Variants in RASA2 observed in about 807,000 individuals in gnomAD.
RASA2 encodes ras GTPase-activating protein 2.
RASA2 carries 155 observed loss-of-function variants against 118.2 expected under a neutral mutation model. That is an observed-to-expected ratio of 1.31 (90% CI 1.15 to 1.50). The LOEUF (loss-of-function observed/expected upper bound fraction) is 1.50. Among genes scored for constraint, RASA2 ranks in the 40% most tolerant of loss-of-function variants. The probability of loss-of-function intolerance (pLI) is 0.00; values close to 1 mark genes in which losing one functional copy is unlikely to be tolerated. For synonymous variants in RASA2, 353 were observed against 349.1 expected, an observed-to-expected ratio of 1.01 and a Z score of -0.12; for missense variants, 1,016 against 1,009.6, an observed-to-expected ratio of 1.01 and a Z score of -0.09.
chr3:141,557,270 G>A (rs2082664232), intron 7 of RASA2, among the ~76,000 whole-genome samples: 1 of 152,142 alleles, frequency 6.6e-6, no homozygotes, highest in Non-Finnish European at 1.5e-5. Context: ...ACTGAAGCAA[G>A]GAACACAAAG....
chr3:141,512,418 G>A (rs1380525621), intron 2 of RASA2, 138 bp downstream of exon 2: 6 of 615,560 alleles, frequency 9.7e-6, no homozygotes, highest in South Asian at 4.3e-5. Context: ...GCCTCAAAAT[G>A]TATCTTCCTC....
At chr3:141,520,009 CTCT>C (rs2082087661) in intron 3 of RASA2, among the ~76,000 whole-genome samples, 4 of 126,676 alleles carry the variant, frequency 3.2e-5, no homozygotes, top group African/African-American at 1.2e-4. Context: ...TTTTCTTTTT[CTCT>C]TTTTTTTTTT....
At chr3:141,562,450 C>T (rs1205231200) in intron 9 of RASA2, among the ~76,000 whole-genome samples, 2 of 148,170 alleles carry the variant, frequency 1.3e-5, no homozygotes, top group African/African-American at 2.5e-5. Flanking sequence ...GGTGAAACCC[C>T]ATCTCTACTA....
Position 141,586,719 on chromosome 3 carries a change from A to G in RASA2, c.1900A>G (p.Thr634Ala). Residue 634 changes from threonine (T) to alanine (A), a missense_variant, in exon 19 of 24, where the codon ACA (threonine) becomes GCA (alanine). This residue lies in a region of RASA2 where 896 missense variants were observed against 836.4 expected (regional missense o/e 1.07). Transcript: ENST00000286364. ...KNFKKRWFCL[T>A]SRELTYHKQP... ...TTTTAAGAAACGATGGTTCTGCTTA[A>G]CAAGCAGAGAGCTCACCTACCACAA... The G allele has an allele frequency of 6.2e-7, 1 of 1,613,494 alleles. No individual in the cohort carries two copies. Among genetic ancestry groups the G allele is most frequent in the Non-Finnish European group, 8.5e-7 (1 of 1,179,522 alleles).
intron 5 of RASA2, among the ~76,000 whole-genome samples, chr3:141,551,552 G>A (rs2082575645): frequency 6.6e-6 from 1 of 152,018 alleles, no homozygotes; most frequent in African/African-American, 2.4e-5. Flanking sequence ...TCTGCCCTGG[G>A]GTCCCTAGTC....
Position 141,552,698 on chromosome 3 carries a change from T to A in RASA2, c.528-1159T>A, listed in dbSNP as rs140953482. 1.4e-3 allele frequency among the ~76,000 whole-genome samples: 219 copies of A among 152,244 alleles called. 7 individuals carry two copies. The East Asian group carries it at 0.025, about 17-fold the overall frequency. The stretch of plus-strand genomic sequence containing the variant: ...TGTTTTCTTTGGCTAGTTTCAAAAT[T>A]TCTTTCTTTATTTTTTTATGCTCAG... On this transcript the variant is annotated intron_variant, in intron 5 of 23. Transcript: ENST00000286364.
intron 19 of RASA2, chr3:141,586,962 GA>G (rs1169395869): frequency 1.7e-6 from 1 of 580,940 alleles, no homozygotes; most frequent in Non-Finnish European, 3.1e-6. Context: ...TTGAGTTTCT[GA>G]AAATGGTGTT....
chr3:141,554,200 C>T (rs1479758535), intron 6 of RASA2, among the ~76,000 whole-genome samples: 1 of 152,184 alleles, frequency 6.6e-6, no homozygotes. Context: ...TATACTAGTA[C>T]AATGTAGTAC....
chr3:141,487,509 C>A (rs2081592686), intron 1 of RASA2, among the ~76,000 whole-genome samples: 1 of 151,640 alleles, frequency 6.6e-6, no homozygotes, highest in Non-Finnish European at 1.5e-5. Context: ...TGGGGAGCGG[C>A]CTGGACGCGG....
At chr3:141,534,540 G>A (rs992548435) in intron 4 of RASA2, among the ~76,000 whole-genome samples, 7 of 151,586 alleles carry the variant, frequency 4.6e-5, no homozygotes, top group African/African-American at 1.5e-4. Flanking sequence ...TTACCAACAA[G>A]CATATCTTGA....
intron 14 of RASA2, 71 bp downstream of exon 14, chr3:141,574,138 T>G: frequency 1.9e-6 from 2 of 1,064,382 alleles, no homozygotes; most frequent in Non-Finnish European, 2.5e-6. Context: ...TAATTACATG[T>G]TTGGTTTGTG....
intron 1 of RASA2, among the ~76,000 whole-genome samples, chr3:141,505,047 A>C (rs1247284023): frequency 6.6e-6 from 1 of 152,162 alleles, no homozygotes; most frequent in Admixed American, 6.5e-5. Context: ...GCTTCCCTAT[A>C]TAAAATAACA....
chr3:141,542,066 A>G (rs1412906343), intron 5 of RASA2, among the ~76,000 whole-genome samples: 6 of 146,010 alleles, frequency 4.1e-5, no homozygotes, highest in African/African-American at 5.2e-5. Flanking sequence ...CTTCCCCCCA[A>G]TTTAAGTTTT....
chr3:141,572,164 T>G (rs934195610), intron 11 of RASA2, among the ~76,000 whole-genome samples: 2 of 151,714 alleles, frequency 1.3e-5, no homozygotes, highest in Non-Finnish European at 2.9e-5. Flanking sequence ...TGATCTTGGC[T>G]CACTGCAGCT....
chr3:141,607,969 G>T (rs1381192048), intron 20 of RASA2, among the ~76,000 whole-genome samples: 1 of 152,042 alleles, frequency 6.6e-6, no homozygotes, highest in East Asian at 1.9e-4. Context: ...TCTTAAAATT[G>T]TCCTTTATTG....
At chr3:141,555,764 C>A (rs759929980) in intron 6 of RASA2, 76 bp from the exon 7 acceptor site, 26 of 1,264,286 alleles carry the variant, frequency 2.1e-5, no homozygotes, top group Non-Finnish European at 2.9e-5. Context: ...GGTCAGGCTC[C>A]CTGGTTGGAA....
Position 141,580,958 on chromosome 3 carries a change from A to G in RASA2, c.1675-142A>G, listed in dbSNP as rs1289628261. The G allele has an allele frequency of 2.1e-5, 17 of 813,906 alleles. No individual in the cohort carries two copies. The East Asian group carries it at 5.9e-4, about 28-fold the overall frequency. The allele number at this position is 813,906 out of a possible 1,614,324, so 50.4% of individuals were successfully genotyped here. ...ATAATCACATGACAGCTTTGAAAGA[A>G]GTCTTCCACTCCAAGCCCTGAACTC... is the stretch of plus-strand genomic sequence containing the variant. On this transcript the variant is annotated intron_variant, in intron 16 of 23. Transcript: ENST00000286364.
At chr3:141,496,489 G>C (rs574504515) in intron 1 of RASA2, among the ~76,000 whole-genome samples, 3 of 152,156 alleles carry the variant, frequency 2.0e-5, no homozygotes, top group South Asian at 2.1e-4. Context: ...ACAACCCCAT[G>C]AAAAAGTGGG....
At position 141,607,686 on chromosome 3, in the gene RASA2, G is replaced by A. The variant is rs769395361; in HGVS notation, c.1942G>A (p.Ala648Thr). 4.6e-5 allele frequency: 72 copies of A among 1,572,842 alleles called. No homozygotes were observed. The Admixed American group carries it at 1.2e-3, about 27-fold the overall frequency. The change falls in exon 20 of 24, where the codon GCA becomes ACA. Residue 648 changes from alanine to threonine, a missense_variant. By Grantham distance (58) the Ala-to-Thr change is moderately conservative (BLOSUM62 0). Coordinates refer to ENST00000286364, the MANE Select transcript of RASA2 (RefSeq NM_006506.5). ...CTTTTTTTATTATTTAGGCAAAGAT[G>A]CAATCTACACAATCCCAGTAAAAAA... ...LTYHKQPGKDAIYTIPVKNIL... is the reference protein window; with the variant it reads ...LTYHKQPGKDTIYTIPVKNIL...
Sources: allele counts gnomAD v4.1 joint callset (sites outside exome capture counted in the v4.1 genomes callset), GRCh38; gene constraint gnomAD v4.1.1; regional missense constraint gnomAD v4.1.1; transcripts MANE v1.5; gene names NCBI Gene and HGNC (gene_info 2026-07-23, HGNC 2026-07-21).